Variants in STPG2 observed in about 807,000 individuals in gnomAD.
The protein encoded by STPG2 is sperm tail PG-rich repeat containing 2.
A neutral mutation model predicts 54.2 loss-of-function variants in STPG2; 56 were observed. That is an observed-to-expected ratio of 1.03 (90% confidence interval 0.83 to 1.29). The LOEUF (loss-of-function observed/expected upper bound fraction) is 1.29. Among genes scored for constraint, STPG2 ranks in the 50% most tolerant of loss-of-function variants. The pLI is 0.00. For synonymous variants in STPG2, 200 were observed against 181.8 expected (o/e 1.10, Z -0.81); for missense variants, 596 against 544.9 (o/e 1.09, Z -0.93).
intron 5 of STPG2, among the ~76,000 whole-genome samples, chr4:98,021,963 C>T (rs139356317): frequency 0.39 from 58,986 of 150,666 alleles, 11,787 homozygotes; most frequent in Middle Eastern, 0.46. Context: ...GGTCTTGACT[C>T]TTTATCCAAT....
intron 10 of STPG2, among the ~76,000 whole-genome samples, chr4:97,562,508 C>T (rs1010812342): frequency 7.2e-5 from 11 of 152,164 alleles, no homozygotes; most frequent in Non-Finnish European, 1.3e-4. Flanking sequence ...GAGGGCATCC[C>T]TGTCTTGTGC....
At chr4:97,837,594 T>C (rs1020960308) in intron 9 of STPG2, among the ~76,000 whole-genome samples, 4 of 151,660 alleles carry the variant, frequency 2.6e-5, no homozygotes, top group South Asian at 2.1e-4. Flanking sequence ...TTTAATTATT[T>C]CTTCATTAGA....
At chr4:97,888,755 G>A (rs990342200) in intron 8 of STPG2, among the ~76,000 whole-genome samples, 6 of 152,110 alleles carry the variant, frequency 3.9e-5, no homozygotes, top group South Asian at 2.1e-4. Flanking sequence ...GGGGACAGAG[G>A]TGGAATAAAA....
intron 8 of STPG2, among the ~76,000 whole-genome samples, chr4:97,915,571 C>T (rs188505147): frequency 6.6e-6 from 1 of 152,168 alleles, no homozygotes; most frequent in Non-Finnish European, 1.5e-5. Context: ...GAGACTGCCC[C>T]TTGCCTGAGG....
intron 10 of STPG2, among the ~76,000 whole-genome samples, chr4:97,615,961 T>G (rs1733850321): frequency 6.8e-6 from 1 of 146,302 alleles, no homozygotes; most frequent in Non-Finnish European, 1.5e-5. Flanking sequence ...CACTTGAACC[T>G]GGGAAGTAAA....
intron 9 of STPG2, among the ~76,000 whole-genome samples, chr4:97,817,152 C>A (rs1727942850): frequency 6.7e-6 from 1 of 149,974 alleles, no homozygotes; most frequent in African/African-American, 2.4e-5. Context: ...GTGACTTTAG[C>A]AAGTTATGTA....
At chr4:98,018,502 G>A (rs1434597658) in intron 5 of STPG2, among the ~76,000 whole-genome samples, 1 of 152,198 alleles carries the variant, frequency 6.6e-6, no homozygotes, top group Non-Finnish European at 1.5e-5. Context: ...CTTTATAGCA[G>A]CATGATTTAT....
intron 4 of STPG2, among the ~76,000 whole-genome samples, chr4:97,482,043 C>T (rs536861933): frequency 1.3e-5 from 2 of 151,542 alleles, no homozygotes; most frequent in East Asian, 3.9e-4. Flanking sequence ...TAATTTTTAT[C>T]ATAAGTGTAT....
Position 98,004,537 on chromosome 4 carries a change from G to A in STPG2, c.613-23219C>T, listed in dbSNP as rs745342042. 3.3e-5 allele frequency among the ~76,000 whole-genome samples: 5 copies of A among 152,116 alleles called. No individual in the cohort carries two copies. The East Asian group carries it at 5.8e-4, about 18-fold the overall frequency. ...GGATTTCCAGATCATATGGTAGTTC[G>A]ATTTTTATATTTTAAAAAACTTCCA... On this transcript the variant is annotated intron_variant, in intron 5 of 10. Coordinates refer to ENST00000295268, the MANE Select transcript of STPG2 (RefSeq NM_174952.3).
At chr4:97,720,733 A>G (rs997444362) in intron 9 of STPG2, among the ~76,000 whole-genome samples, 1 of 152,028 alleles carries the variant, frequency 6.6e-6, no homozygotes, top group Non-Finnish European at 1.5e-5. Context: ...GTATAAACAC[A>G]TTTAAGGAAA....
chr4:97,462,662 A>T (rs948952952), intron 4 of STPG2, among the ~76,000 whole-genome samples: 1 of 151,844 alleles, frequency 6.6e-6, no homozygotes, highest in Admixed American at 6.6e-5. Flanking sequence ...TATCATTGGC[A>T]TGACATTTTA....
In STPG2 at chr4:97,539,821, A is replaced by T. The variant is rs972513062; in HGVS notation, c.462+172878T>A. 1.4e-4 allele frequency among the ~76,000 whole-genome samples: 22 copies of T among 152,250 alleles called. No individual in the cohort carries two copies. In the East Asian group the frequency reaches 3.3e-3, roughly 23 times the overall value. Reference sequence around the variant, plus strand: ...TCAAACTAGAACTCAGGATTAAGAAACTCACTCAAAACCACTCAACTACAT... The same window carrying T: ...TCAAACTAGAACTCAGGATTAAGAATCTCACTCAAAACCACTCAACTACAT... On this transcript the variant is annotated intron_variant, in intron 4 of 4. Transcript: ENST00000522676.
chr4:98,055,796 G>T (rs1362263341), intron 5 of STPG2, among the ~76,000 whole-genome samples: 1 of 152,180 alleles, frequency 6.6e-6, no homozygotes, highest in African/African-American at 2.4e-5. Context: ...AGACGGGCCT[G>T]GTCTGACCTG....
chr4:97,704,221 A>C (rs1723874649), intron 10 of STPG2, among the ~76,000 whole-genome samples: 1 of 152,150 alleles, frequency 6.6e-6, no homozygotes, highest in Non-Finnish European at 1.5e-5. Context: ...CTCAGTATTA[A>C]CCATCACACC....
chr4:97,515,816 GTATA>G (rs947231417), intron 4 of STPG2, among the ~76,000 whole-genome samples: 5 of 151,822 alleles, frequency 3.3e-5, no homozygotes, highest in African/African-American at 1.2e-4. Context: ...ATGTGTGTGT[GTATA>G]TATATAGAGA....
intron 5 of STPG2, among the ~76,000 whole-genome samples, chr4:98,011,356 ATAAT>A (rs1560634342): frequency 6.6e-6 from 1 of 152,122 alleles, no homozygotes; most frequent in Non-Finnish European, 1.5e-5. Flanking sequence ...TATCCAGTCT[ATAAT>A]TGATTGGCAT....
intron 5 of STPG2, among the ~76,000 whole-genome samples, chr4:98,042,839 G>A (rs1283244279): frequency 1.6e-4 from 24 of 151,916 alleles, no homozygotes; most frequent in Admixed American, 1.6e-3. Context: ...TTTAAGTCCA[G>A]TGTTTCTTTG....
chr4:97,738,366 A>G (rs1023895439), intron 9 of STPG2, among the ~76,000 whole-genome samples: 3 of 152,198 alleles, frequency 2.0e-5, no homozygotes, highest in Admixed American at 6.5e-5. Context: ...TAACAATATT[A>G]ACTTTAAACG....
At chr4:97,811,088 G>T (rs1727723841) in intron 9 of STPG2, among the ~76,000 whole-genome samples, 1 of 151,890 alleles carries the variant, frequency 6.6e-6, no homozygotes, top group Non-Finnish European at 1.5e-5. Context: ...TTTGTAAAAA[G>T]ACATTTTCCC....
Sources: allele counts gnomAD v4.1 joint callset (sites outside exome capture counted in the v4.1 genomes callset), GRCh38; gene constraint gnomAD v4.1.1; transcripts MANE v1.5; gene names NCBI Gene and HGNC (gene_info 2026-07-23, HGNC 2026-07-21).